AXL: variants seen among roughly 807,000 people sequenced by gnomAD.
The protein encoded by AXL is tyrosine-protein kinase receptor UFO.
AXL carries 52 observed loss-of-function variants against 104.5 expected under a neutral mutation model. The observed-to-expected ratio is 0.50, with a 90% CI of 0.40 to 0.63. The LOEUF (loss-of-function observed/expected upper bound fraction) is 0.63. Among genes scored for constraint, AXL ranks in the 20% least tolerant of loss-of-function variants. AXL has a pLI of 0.00. For synonymous variants in AXL, 455 were observed against 473.7 expected, an observed-to-expected ratio of 0.96 and a Z score of 0.51; for missense variants, 1,024 against 1,188.5, an observed-to-expected ratio of 0.86 and a Z score of 2.04.
intron 12 of AXL, among the ~76,000 whole-genome samples, chr19:41,245,992 G>T (rs1349995091): frequency 6.6e-6 from 1 of 152,158 alleles, no homozygotes; most frequent in South Asian, 2.1e-4. Context: ...GGCCCATAAG[G>T]TCAAATCTAT....
rs1568413087 is a variant in AXL at position 41,238,466 on chromosome 19, C to T, written c.995-4C>T. 6.2e-7 allele frequency: 1 copy of T among 1,608,290 alleles called. No individual in the cohort carries two copies. Among genetic ancestry groups the T allele is most frequent in the African/African-American group, 1.3e-5 (1 of 74,816 alleles). On this transcript the variant is annotated splice_region_variant and splice_polypyrimidine_tract_variant and intron_variant, in intron 7 of 19. Transcript: ENST00000301178. ...GCCAGCTTCCCCTCTTCCCTGTCCT[C>T]CAGTGCCCCTGGGCCCCCCTGAGAA...
intron 10 of AXL, among the ~76,000 whole-genome samples, chr19:41,242,017 A>G (rs2034190827): frequency 6.6e-6 from 1 of 152,098 alleles, no homozygotes; most frequent in African/African-American, 2.4e-5. Flanking sequence ...CCCTTCTTGC[A>G]CAATCATCAC....
intron 14 of AXL, among the ~76,000 whole-genome samples, chr19:41,252,142 T>TA (rs1568417487): frequency 9.4e-4 from 115 of 122,472 alleles, no homozygotes; most frequent in Non-Finnish European, 1.4e-3. Flanking sequence ...AATATATATT[T>TA]TATATATATA....
chr19:41,244,734 A>G lies in AXL; in HGVS notation c.1537+1027A>G, dbSNP rs780519533. Among the ~76,000 whole-genome samples, 11 of 152,154 alleles carry G rather than the reference A, an allele frequency of 7.2e-5. No individual in the cohort carries two copies. In the South Asian group the frequency reaches 8.3e-4, roughly 11 times the overall value. ...TGGAACTCCTGGCCTCAAGTGATCA[A>G]CCTGCCTTGGCCTCCCAAAGTGCTG... is the stretch of plus-strand genomic sequence containing the variant. On this transcript the variant is annotated intron_variant, in intron 12 of 19. Coordinates refer to ENST00000301178, the MANE Select transcript of AXL (RefSeq NM_021913.5).
At position 41,242,903 on chromosome 19, in the gene AXL, G is replaced by A. The variant is rs2122246986; in HGVS notation, c.1333G>A (p.Ala445Thr). The A allele has an allele frequency of 8.1e-6, 13 of 1,614,162 alleles. No individual in the cohort carries two copies. The highest frequency in any genetic ancestry group is 1.1e-5 in the Non-Finnish European group (13 of 1,180,022). Residue 445 changes from alanine to threonine, a missense_variant, in exon 11 of 20, where the codon GCC becomes ACC. Ala to Thr is a moderately conservative substitution (Grantham distance 58, BLOSUM62 0). Around this residue, in one of 5 missense-constraint regions of AXL, gnomAD observed 523 missense variants for 636.0 expected, o/e 0.82. Coordinates refer to ENST00000301178, the MANE Select transcript of AXL (RefSeq NM_021913.5). Reference protein sequence around the residue: ...HQLVKEPSTPAFSWPWWYVLL... With the variant: ...HQLVKEPSTPTFSWPWWYVLL... ...GATAGTGAAGGAACCTTCAACTCCT[G>A]CCTTCTCGTGGCCCTGGTGGTATGT... is the stretch of plus-strand genomic sequence containing the variant.
rs146164767 is a variant in AXL at position 41,259,728 on chromosome 19, G to T, written c.2509G>T (p.Ala837Ser). Residue 837 changes from alanine (A) to serine (S), a missense_variant, in exon 20 of 20, where the codon GCA (alanine) becomes TCA (serine). By Grantham distance (99) the Ala-to-Ser change is moderately conservative. This residue lies in a region of AXL where 523 missense variants were observed against 636.0 expected (regional missense o/e 0.82). Transcript: ENST00000301178. The part of the protein sequence containing the change: ...GGGYPEPPGA[A>S]GGADPPTQPD... ...AGGTTATCCTGAACCCCCTGGAGCT[G>T]CAGGAGGAGCTGACCCCCCAACCCA... 37 of 1,613,958 alleles carry T rather than the reference G, an allele frequency of 2.3e-5. No individual in the cohort carries two copies. The highest frequency in any genetic ancestry group is 2.9e-5 in the Non-Finnish European group (34 of 1,180,002).
At chr19:41,222,138 GC>G in intron 4 of AXL, 82 bp downstream of exon 4, 3 of 1,364,288 alleles carry the variant, frequency 2.2e-6, no homozygotes, top group Non-Finnish European at 2.9e-6. Context: ...TGCTACCTCT[GC>G]GTGAGTGTCT....
At chr19:41,241,733 C>T (rs2034186871) in intron 10 of AXL, among the ~76,000 whole-genome samples, 1 of 151,820 alleles carries the variant, frequency 6.6e-6, no homozygotes, top group South Asian at 2.1e-4. Context: ...ATCCCAGCTA[C>T]TTAGAAGCTG....
chr19:41,234,945 A>T (rs1324940933), intron 6 of AXL, among the ~76,000 whole-genome samples: 1 of 152,182 alleles, frequency 6.6e-6, no homozygotes, highest in Non-Finnish European at 1.5e-5. Flanking sequence ...ACAGATGTGT[A>T]CACCAGTGGT....
intron 16 of AXL, 38 bp from the exon 17 acceptor site, chr19:41,253,561 T>C: frequency 6.9e-7 from 1 of 1,450,260 alleles, no homozygotes; most frequent in East Asian, 2.3e-5. Context: ...CATCAAGGAC[T>C]CTGTTGACCT....
At chr19:41,219,885 G>A (rs1709121) in intron 1 of AXL, among the ~76,000 whole-genome samples, 1 of 151,152 alleles carries the variant, frequency 6.6e-6, no homozygotes, top group Admixed American at 6.6e-5. Flanking sequence ...GGGGGAAAAC[G>A]CTTCTCCCTG....
chr19:41,243,573 A>G (rs969707977), intron 11 of AXL, 43 bp from the exon 12 acceptor site: 1 of 1,481,092 alleles, frequency 6.8e-7, no homozygotes, highest in African/African-American at 1.4e-5. Context: ...AGGGGGTTCC[A>G]CATGGTTTTT....
chr19:41,240,655 A>G lies in AXL; in HGVS notation c.1312+935A>G, dbSNP rs193095191. ...CACATCCCTTCCTACATTTCTTCAC[A>G]TACGCTTTCCACGCTTATTCCACCC... On this transcript the variant is annotated intron_variant, in intron 10 of 19. Transcript: ENST00000301178. 3.6e-3 allele frequency among the ~76,000 whole-genome samples: 547 copies of G among 152,182 alleles called. 1 individual carries two copies. The highest frequency in any genetic ancestry group is 0.013 in the African/African-American group (528 of 41,502).
chr19:41,233,997 A>G (rs1412841432), intron 6 of AXL, among the ~76,000 whole-genome samples: 1 of 151,862 alleles, frequency 6.6e-6, no homozygotes, highest in Non-Finnish European at 1.5e-5. Context: ...GGGGAGACCA[A>G]CTGTCTGTAC....
In AXL at chr19:41,231,014, G is replaced by A; in HGVS notation, c.634G>A (p.Gly212Arg). 1.2e-6 allele frequency: 2 copies of A among 1,613,964 alleles called. No individual in the cohort carries two copies. Among genetic ancestry groups the A allele is most frequent in the Non-Finnish European group, 1.7e-6 (2 of 1,179,920 alleles). ...CTCCTGCGAAGCCCATAACGCCAAG[G>A]GGGTCACCACATCCCGCACAGCCAC... is the stretch of plus-strand genomic sequence containing the variant. ...SFSCEAHNAKGVTTSRTATIT... is the reference protein window; with the variant it reads ...SFSCEAHNAKRVTTSRTATIT... The change falls in exon 5 of 20, where the codon GGG becomes AGG. Residue 212 changes from glycine (G) to arginine (R), a missense_variant. By Grantham distance (125) the Gly-to-Arg change is moderately radical (BLOSUM62 -2). This residue lies in a region of AXL where 332 missense variants were observed against 343.9 expected (regional missense o/e 0.97). Coordinates refer to ENST00000301178, the MANE Select transcript of AXL (RefSeq NM_021913.5).
chr19:41,234,281 C>T (rs1387473709), intron 6 of AXL, among the ~76,000 whole-genome samples: 1 of 152,082 alleles, frequency 6.6e-6, no homozygotes, highest in Non-Finnish European at 1.5e-5. Context: ...TGAGTTCATC[C>T]AGTAATGTGC....
Position 41,248,531 on chromosome 19 carries a change from A to G in AXL, c.1555A>G (p.Ser519Gly). ...TEATLNSLGI[S>G]EELKEKLRDV... ...GCATGCAGTGAACAGCCTGGGCATCAGTGAAGAGCTGAAGGAGAAGCTGCG... is the reference window on the plus strand; with the variant it reads ...GCATGCAGTGAACAGCCTGGGCATCGGTGAAGAGCTGAAGGAGAAGCTGCG... Residue 519 changes from serine to glycine, a missense_variant, in exon 13 of 20, where the codon AGT (serine) becomes GGT (glycine). Ser to Gly is a moderately conservative substitution (Grantham distance 56). Transcript: ENST00000301178. 1 of 1,614,234 alleles carries G rather than the reference A, an allele frequency of 6.2e-7. No homozygotes were observed. The highest frequency in any genetic ancestry group is 8.5e-7 in the Non-Finnish European group (1 of 1,180,038).
At chr19:41,257,770 A>G (rs2034478268) in intron 19 of AXL, 141 bp downstream of exon 19, 1 of 1,090,834 alleles carries the variant, frequency 9.2e-7, no homozygotes, top group Non-Finnish European at 1.3e-6. Flanking sequence ...CCCCTCACCA[A>G]TGCTCTGAGT....
intron 12 of AXL, among the ~76,000 whole-genome samples, chr19:41,245,422 C>T (rs1038953880): frequency 1.3e-5 from 2 of 152,084 alleles, no homozygotes; most frequent in Non-Finnish European, 2.9e-5. Context: ...TCTCAGAGGC[C>T]CAGTCAAATC....
Sources: gnomAD v4.1 joint callset for allele counts (sites outside exome capture counted in the v4.1 genomes callset) on GRCh38, gnomAD v4.1.1 for gene constraint, gnomAD v4.1.1 regional missense constraint, MANE v1.5 for transcripts, NCBI Gene and HGNC (gene_info 2026-07-23, HGNC 2026-07-21) for gene names.